The following CHRM3 variants were observed in gnomAD, a reference collection of about 807,000 sequenced individuals.
CHRM3 encodes the protein muscarinic acetylcholine receptor M3.
CHRM3 carries 11 observed loss-of-function variants against 41.8 expected under a neutral mutation model. The observed-to-expected ratio is 0.26, with a 90% confidence interval of 0.17 to 0.44. The LOEUF is 0.44. CHRM3 is among the 20% of genes least tolerant of loss of function. CHRM3 has a pLI of 1.00. For synonymous variants in CHRM3, 297 were observed against 301.4 expected (o/e 0.99, Z 0.15); for missense variants, 571 against 745.4 (o/e 0.77, Z 2.72).
At chr1:239,701,977 G>A (rs934608952) in intron 5 of CHRM3, among the ~76,000 whole-genome samples, 2 of 152,040 alleles carry the variant, frequency 1.3e-5, no homozygotes, top group South Asian at 2.1e-4. Flanking sequence ...AACTCCTAAT[G>A]TCTAGATAAT....
rs111999895 is a variant in CHRM3 at position 239,902,485 on chromosome 1, A to G, written c.-19-4948A>G. On this transcript the variant is annotated intron_variant, in intron 6 of 6. Coordinates refer to ENST00000676153, the MANE Select transcript of CHRM3 (RefSeq NM_001375978.1). ...AATAAAAAAAATTAATGACGATGAG[A>G]ACATCATCTTTATTAATAGAGTGGT... is the stretch of plus-strand genomic sequence containing the variant. 3.9e-3 allele frequency among the ~76,000 whole-genome samples: 599 copies of G among 152,254 alleles called. 7 individuals carry two copies. The highest frequency in any genetic ancestry group is 0.013 in the African/African-American group (542 of 41,554).
Position 239,407,417 on chromosome 1 carries a change from T to TATATATATATATATATATAGAGAGAG in CHRM3, c.-521+20191_-521+20192insTATATATATATATATATAGAGAGAGA. Among the ~76,000 whole-genome samples the TATATATATATATATATATAGAGAGAG allele has an allele frequency of 1.2e-4, 16 of 134,206 alleles. No homozygotes were observed. In the South Asian group the frequency reaches 1.4e-3, roughly 12 times the overall value. 88.0% of individuals were successfully genotyped at this position (134,206 alleles called of 152,430 possible). A position where few individuals can be genotyped will look rare whatever the true frequency, so the allele number is the denominator to read the frequency against. On this transcript the variant is annotated intron_variant, in intron 1 of 6. Coordinates refer to ENST00000676153, the MANE Select transcript of CHRM3 (RefSeq NM_001375978.1). ...ACCAATGACTATAAATATATATATA[T>TATATATATATATATATATAGAGAGAG]AGAGAGAGAGAGAGAGAGAGAGAGC...
chr1:239,796,169 G>A (rs1669750021), intron 5 of CHRM3, among the ~76,000 whole-genome samples: 1 of 152,062 alleles, frequency 6.6e-6, no homozygotes, highest in South Asian at 2.1e-4. Flanking sequence ...TCCTAGAAGA[G>A]CATCCAAGGT....
At chr1:239,532,662 T>C (rs928904596) in intron 2 of CHRM3, among the ~76,000 whole-genome samples, 1 of 151,162 alleles carries the variant, frequency 6.6e-6, no homozygotes, top group African/African-American at 2.4e-5. Flanking sequence ...TCCACTCTAC[T>C]TGATAAAGTT....
intron 1 of CHRM3, among the ~76,000 whole-genome samples, chr1:239,392,318 C>T (rs1659108060): frequency 6.6e-6 from 1 of 152,158 alleles, no homozygotes; most frequent in Admixed American, 6.5e-5. Flanking sequence ...AATCTCAGTT[C>T]TCCACACCTC....
intron 3 of CHRM3, among the ~76,000 whole-genome samples, chr1:239,578,637 A>T (rs776202234): frequency 2.6e-5 from 4 of 152,190 alleles, no homozygotes; most frequent in African/African-American, 9.7e-5. Context: ...ATAGATCATG[A>T]TGTGTCTGAT....
At chr1:239,621,998 G>A (rs1668421808) in intron 3 of CHRM3, among the ~76,000 whole-genome samples, 1 of 152,058 alleles carries the variant, frequency 6.6e-6, no homozygotes, top group African/African-American at 2.4e-5. Flanking sequence ...TAAGTTGAAG[G>A]TAACATTCAT....
At chr1:239,443,360 C>T (rs970323632) in intron 1 of CHRM3, among the ~76,000 whole-genome samples, 9 of 152,016 alleles carry the variant, frequency 5.9e-5, no homozygotes, top group East Asian at 3.9e-4. Context: ...CTACTGTTTG[C>T]GAAGGGAAGC....
chr1:239,390,685 G>T (rs1020802538), intron 1 of CHRM3, among the ~76,000 whole-genome samples: 1 of 148,360 alleles, frequency 6.7e-6, no homozygotes, highest in Non-Finnish European at 1.5e-5. Context: ...TGCAACCTCC[G>T]CCTCCCAGGT....
intron 6 of CHRM3, among the ~76,000 whole-genome samples, chr1:239,875,717 T>A (rs1452235045): frequency 6.6e-6 from 1 of 152,212 alleles, no homozygotes; most frequent in African/African-American, 2.4e-5. Context: ...ATTGTTGGTC[T>A]TCAATACTGG....
intron 6 of CHRM3, among the ~76,000 whole-genome samples, chr1:239,895,733 G>T (rs373868679): frequency 3.3e-5 from 5 of 152,074 alleles, no homozygotes; most frequent in African/African-American, 9.7e-5. Flanking sequence ...AACCAAACAC[G>T]GCGTGTTCTC....
chr1:239,529,378 A>AG (rs1670211470), intron 2 of CHRM3, among the ~76,000 whole-genome samples: 2 of 152,158 alleles, frequency 1.3e-5, no homozygotes, highest in African/African-American at 4.8e-5. Flanking sequence ...TGGGAGGCTG[A>AG]GGCAAGGCAG....
intron 5 of CHRM3, among the ~76,000 whole-genome samples, chr1:239,765,537 C>T (rs1049852443): frequency 2.0e-5 from 3 of 152,096 alleles, no homozygotes; most frequent in Admixed American, 6.5e-5. Flanking sequence ...ATTTTTAGGA[C>T]GAAAATCCAA....
At chr1:239,761,133 T>C (rs1666733921) in intron 5 of CHRM3, among the ~76,000 whole-genome samples, 2 of 152,324 alleles carry the variant, frequency 1.3e-5, no homozygotes, top group African/African-American at 4.8e-5. Context: ...TATATATCCC[T>C]ATTAATCTTT....
intron 4 of CHRM3, among the ~76,000 whole-genome samples, chr1:239,677,360 G>A (rs970249030): frequency 2.0e-5 from 3 of 152,230 alleles, no homozygotes; most frequent in Admixed American, 6.5e-5. Context: ...AGTTGAATCG[G>A]TAAAGTGGGT....
intron 5 of CHRM3, among the ~76,000 whole-genome samples, chr1:239,772,782 A>G (rs1667795737): frequency 6.6e-6 from 1 of 151,938 alleles, no homozygotes; most frequent in African/African-American, 2.4e-5. Flanking sequence ...TTTCCTTCCA[A>G]CAAGCTCTTA....
chr1:239,404,426 GAAAGAA>G (rs1254625884), intron 1 of CHRM3, among the ~76,000 whole-genome samples: 1 of 104,810 alleles, frequency 9.5e-6, no homozygotes, highest in African/African-American at 3.8e-5. Context: ...AAGAAAGAAA[GAAAGAA>G]AGAAAGAAAG....
At chr1:239,411,038 T>C (rs977448198) in intron 1 of CHRM3, among the ~76,000 whole-genome samples, 5 of 152,224 alleles carry the variant, frequency 3.3e-5, no homozygotes, top group Admixed American at 3.3e-4. Flanking sequence ...TATTTTGTTT[T>C]TAAATATGAT....
chr1:239,488,902 G>A (rs1558261129), intron 1 of CHRM3, among the ~76,000 whole-genome samples: 1 of 152,026 alleles, frequency 6.6e-6, no homozygotes, highest in African/African-American at 2.4e-5. Flanking sequence ...CATAAGAATT[G>A]TTGAGAAACT....
Sources: gnomAD v4.1 joint callset for allele counts (sites outside exome capture counted in the v4.1 genomes callset) on GRCh38, gnomAD v4.1.1 for gene constraint, MANE v1.5 for transcripts, NCBI Gene and HGNC (gene_info 2026-07-23, HGNC 2026-07-21) for gene names.